Variants in COL24A1 observed in about 807,000 individuals in gnomAD.
COL24A1 encodes the protein collagen alpha-1(XXIV) chain.
A neutral mutation model predicts 253.9 loss-of-function variants in COL24A1; 224 were observed. The ratio of observed to expected loss-of-function variants is 0.88; its 90% CI spans 0.79 to 0.99. COL24A1 has a LOEUF of 0.99. Among genes scored for constraint, COL24A1 ranks in the 50% least tolerant of loss-of-function variants. The pLI, the probability that COL24A1 is intolerant of heterozygous loss-of-function variation, is 0.00. For missense variants in COL24A1, 2,131 were observed against 2,068.5 expected (o/e 1.03, Z -0.59); for synonymous variants, 685 against 673.7 (o/e 1.02, Z -0.26).
intron 53 of COL24A1, 26 bp from the exon 54 acceptor site, chr1:85,761,592 G>A (rs1457455606): frequency 1.2e-6 from 2 of 1,612,854 alleles, no homozygotes; most frequent in Admixed American, 3.3e-5. Context: ...ACAAACACAA[G>A]ACCTATATAT....
intron 43 of COL24A1, among the ~76,000 whole-genome samples, chr1:85,824,768 C>T (rs946697241): frequency 6.6e-6 from 1 of 152,010 alleles, no homozygotes; most frequent in South Asian, 2.1e-4. Context: ...TTCTTTTATC[C>T]CTTTTCCTAC....
At chr1:85,890,590 TG>T (rs1558546435) in intron 31 of COL24A1, among the ~76,000 whole-genome samples, 3 of 152,122 alleles carry the variant, frequency 2.0e-5, no homozygotes, top group Non-Finnish European at 2.9e-5. Flanking sequence ...TCCATCAGGT[TG>T]TTTTTTTATT....
rs184865327 is a variant in COL24A1, at chr1:86,023,558, G to A, written c.2050-551C>T. Among the ~76,000 whole-genome samples the A allele has an allele frequency of 6.6e-5, 10 of 152,080 alleles. No homozygotes were observed. In the South Asian group the frequency reaches 8.3e-4, roughly 13 times the overall value. ...AGCTCTACTCTTCTGGGCTTATCTCGTTTATTCATCATTTAATATTTACTA... is the reference window on the plus strand; with the variant it reads ...AGCTCTACTCTTCTGGGCTTATCTCATTTATTCATCATTTAATATTTACTA... On this transcript the variant is annotated intron_variant, in intron 14 of 59. Coordinates refer to ENST00000370571, the MANE Select transcript of COL24A1 (RefSeq NM_152890.7).
Position 86,125,749 on chromosome 1 carries a change from G to T in COL24A1, c.587C>A (p.Thr196Asn), listed in dbSNP as rs370426778. 5.0e-6 allele frequency: 8 copies of T among 1,611,368 alleles called. 1 individual carries two copies. The South Asian group carries it at 7.7e-5, about 16-fold the overall frequency. ...AGTAAACACACTATTAGAATCAAAG[G>T]TCTGAACTTCTGGAATAGTCTCTGT... ...FSTETIPEVQ[T>N]FDSNSVFTLG... The change falls in exon 3 of 60, where the codon ACC becomes AAC. Residue 196 changes from threonine (T) to asparagine (N), a missense_variant. Transcript: ENST00000370571.
At chr1:85,926,195 G>A (rs1369440192) in intron 24 of COL24A1, among the ~76,000 whole-genome samples, 2 of 152,162 alleles carry the variant, frequency 1.3e-5, no homozygotes, top group Non-Finnish European at 2.9e-5. Context: ...GAGAGGATGT[G>A]GAAAAATAGG....
chr1:86,119,239 C>A (rs1206561166), intron 3 of COL24A1, among the ~76,000 whole-genome samples: 1 of 152,108 alleles, frequency 6.6e-6, no homozygotes, highest in Non-Finnish European at 1.5e-5. Context: ...AGATTACCTG[C>A]CCAATACTGA....
At chr1:86,116,674 C>T (rs1379600232) in intron 3 of COL24A1, among the ~76,000 whole-genome samples, 1 of 152,108 alleles carries the variant, frequency 6.6e-6, no homozygotes, top group Non-Finnish European at 1.5e-5. Flanking sequence ...TTGATATTAA[C>T]TACTCCTTGA....
chr1:85,901,584 TGGGATCACCTGAG>T (rs1684296804), intron 28 of COL24A1, among the ~76,000 whole-genome samples: 1 of 151,230 alleles, frequency 6.6e-6, no homozygotes, highest in Non-Finnish European at 1.5e-5. Flanking sequence ...CCAAGGCGGG[TGGGATCACCTGAG>T]GTCAGGAGTT....
At chr1:86,086,363 T>A (rs1172757322) in intron 7 of COL24A1, among the ~76,000 whole-genome samples, 1 of 151,986 alleles carries the variant, frequency 6.6e-6, no homozygotes, top group Non-Finnish European at 1.5e-5. Context: ...CATGCACATG[T>A]CCCTGACCTG....
At chr1:86,118,018 T>G (rs1211588368) in intron 3 of COL24A1, among the ~76,000 whole-genome samples, 1 of 152,138 alleles carries the variant, frequency 6.6e-6, no homozygotes, top group Non-Finnish European at 1.5e-5. Flanking sequence ...TACCTGTCAC[T>G]GTGCTTGGCA....
chr1:86,080,482 T>G (rs1557536285), intron 7 of COL24A1, among the ~76,000 whole-genome samples: 1 of 152,110 alleles, frequency 6.6e-6, no homozygotes, highest in Non-Finnish European at 1.5e-5. Context: ...AGGATGGATA[T>G]CCAATTTTCC....
At chr1:85,890,442 G>A (rs1015194181) in intron 31 of COL24A1, among the ~76,000 whole-genome samples, 4 of 145,886 alleles carry the variant, frequency 2.7e-5, no homozygotes, top group African/African-American at 2.5e-5. Flanking sequence ...GCATTCTAAT[G>A]TTTGTGAAAT....
intron 3 of COL24A1, among the ~76,000 whole-genome samples, chr1:86,119,628 CA>C (rs1307986516): frequency 2.0e-5 from 3 of 152,088 alleles, no homozygotes; most frequent in Non-Finnish European, 2.9e-5. Context: ...GAAGACAAAA[CA>C]AATATGGTAA....
In COL24A1 at chr1:86,031,919, G is replaced by A. The variant is rs377017151; in HGVS notation, c.2008C>T (p.Leu670Phe). 8.4e-5 allele frequency: 135 copies of A among 1,607,660 alleles called. No homozygotes were observed. The highest frequency in any genetic ancestry group is 1.1e-4 in the Non-Finnish European group (128 of 1,176,814). ...CCCGGAGGACCAGTGCCACCTACAA[G>A]TCCCTATTGTAAAAGAAATTTGCAA... is the stretch of plus-strand genomic sequence containing the variant. ...GPAGLDGSPG[L>F]VGGTGPPGFP... The change falls in exon 14 of 60, where the codon CTT (leucine) becomes TTT (phenylalanine). Residue 670 changes from leucine to phenylalanine, a missense_variant. Coordinates refer to ENST00000370571, the MANE Select transcript of COL24A1 (RefSeq NM_152890.7).
chr1:85,858,627 CCTTCCTTCCTTCCTTCCT>C (rs1678749859), intron 37 of COL24A1, among the ~76,000 whole-genome samples: 2 of 115,934 alleles, frequency 1.7e-5, no homozygotes, highest in Non-Finnish European at 3.4e-5. Context: ...CTCCCTCCTT[CCTTCCTTCCTTCCTTCCT>C]TCCTTCCTTC....
chr1:86,122,586 C>T (rs775717988), intron 3 of COL24A1, among the ~76,000 whole-genome samples: 5 of 151,934 alleles, frequency 3.3e-5, no homozygotes, highest in Non-Finnish European at 7.4e-5. Flanking sequence ...GACTTTCCCT[C>T]TTAATTACAG....
intron 47 of COL24A1, among the ~76,000 whole-genome samples, chr1:85,791,408 C>T (rs985737369): frequency 5.3e-5 from 8 of 152,094 alleles, no homozygotes; most frequent in Admixed American, 1.3e-4. Flanking sequence ...ATACAACTGA[C>T]AGCTATGGAT....
chr1:86,135,493 A>G (rs1286710545), intron 2 of COL24A1, among the ~76,000 whole-genome samples: 1 of 151,948 alleles, frequency 6.6e-6, no homozygotes, highest in Non-Finnish European at 1.5e-5. Flanking sequence ...TATGTCTCAT[A>G]TATCATTTCT....
At chr1:85,748,107 C>T (rs533238653) in intron 55 of COL24A1, among the ~76,000 whole-genome samples, 407 of 152,194 alleles carry the variant, frequency 2.7e-3, no homozygotes, top group Non-Finnish European at 5.1e-3. Flanking sequence ...ACATGTTTTC[C>T]CTAATTTTTA....
Sources: gnomAD v4.1 joint callset for allele counts (sites outside exome capture counted in the v4.1 genomes callset) on GRCh38, gnomAD v4.1.1 for gene constraint, MANE v1.5 for transcripts, NCBI Gene and HGNC (gene_info 2026-07-23, HGNC 2026-07-21) for gene names.